The following DGKG variants were observed in gnomAD, a reference collection of about 807,000 sequenced individuals.
DGKG encodes DAG kinase gamma.
DGKG carries 78 observed loss-of-function variants against 105.3 expected under a neutral mutation model. The observed-to-expected ratio is 0.74, with a 90% confidence interval of 0.62 to 0.89. The LOEUF (loss-of-function observed/expected upper bound fraction) is 0.89, where lower values mean the gene tolerates loss of function less well. Ranked by LOEUF, DGKG falls within the 40% of genes least tolerant of loss-of-function variation. The pLI, the probability that DGKG is intolerant of heterozygous loss-of-function variation, is 0.00. For missense variants in DGKG, 958 were observed against 1,020.1 expected (o/e 0.94, Z 0.83); for synonymous variants, 346 against 367.1 (o/e 0.94, Z 0.66).
In DGKG at chr3:186,293,284, C is replaced by T. The variant is rs968655958; in HGVS notation, c.373+4137G>A. Among the ~76,000 whole-genome samples, 4 of 152,344 alleles carry T rather than the reference C, an allele frequency of 2.6e-5. No individual in the cohort carries two copies. The East Asian group carries it at 7.7e-4, about 29-fold the overall frequency. On this transcript the variant is annotated intron_variant, in intron 5 of 24. Transcript: ENST00000265022. ...CGGTGCTTTGCCTATTCATCCTTCC[C>T]TTCCCCTGACCCTTGACACCACTGA...
chr3:186,266,383 A>C (rs1722058190), intron 13 of DGKG, among the ~76,000 whole-genome samples: 1 of 152,150 alleles, frequency 6.6e-6, no homozygotes, highest in Non-Finnish European at 1.5e-5. Flanking sequence ...TTATTCATCT[A>C]TTCTCCTGTT....
chr3:186,188,072 C>T (rs956732468), intron 22 of DGKG, 130 bp downstream of exon 22: 24 of 1,073,232 alleles, frequency 2.2e-5, no homozygotes, highest in East Asian at 4.8e-5. Flanking sequence ...CATCGGATGA[C>T]GAGTCAGCAT....
intron 5 of DGKG, among the ~76,000 whole-genome samples, chr3:186,289,796 A>T (rs1019992319): frequency 6.6e-6 from 1 of 152,234 alleles, no homozygotes; most frequent in Admixed American, 6.5e-5. Context: ...TACTGAAGGT[A>T]GAGGCAGTGG....
intron 21 of DGKG, among the ~76,000 whole-genome samples, chr3:186,192,086 C>A (rs1717935475): frequency 6.6e-6 from 1 of 152,210 alleles, no homozygotes; most frequent in Admixed American, 6.5e-5. Flanking sequence ...TGGCTCACTG[C>A]AACCTCTGCC....
intron 22 of DGKG, among the ~76,000 whole-genome samples, chr3:186,167,668 T>C (rs1195208208): frequency 3.9e-5 from 6 of 152,230 alleles, no homozygotes; most frequent in Non-Finnish European, 7.3e-5. Context: ...GGGTGTGATT[T>C]TGGCAATTCA....
rs1334855043 is a variant in DGKG at position 186,360,692 on chromosome 3, A to C, written c.-249+1254T>G. On this transcript the variant is annotated intron_variant, in intron 1 of 24. Coordinates refer to ENST00000265022, the MANE Select transcript of DGKG (RefSeq NM_001346.3). ...CAACCAGGGTGCCCTGTGTGCCAGC[A>C]AGTGGCTCTGCCAGCTGTATTTTAC... Among the ~76,000 whole-genome samples the C allele has an allele frequency of 2.0e-5, 3 of 152,178 alleles. No homozygotes were observed. In the South Asian group the frequency reaches 6.2e-4, roughly 32 times the overall value.
chr3:186,240,688 T>C (rs993100344), intron 20 of DGKG, among the ~76,000 whole-genome samples: 2 of 151,882 alleles, frequency 1.3e-5, no homozygotes, highest in Non-Finnish European at 2.9e-5. Context: ...TGGGTGCCTG[T>C]AATCCCAGCT....
intron 21 of DGKG, among the ~76,000 whole-genome samples, chr3:186,197,508 C>G (rs1171000403): frequency 6.6e-6 from 1 of 152,104 alleles, no homozygotes; most frequent in African/African-American, 2.4e-5. Flanking sequence ...CCTGTGCAGC[C>G]CCCGGGGCCT....
chr3:186,282,013 T>A (rs1426972502), intron 7 of DGKG, among the ~76,000 whole-genome samples: 1 of 152,048 alleles, frequency 6.6e-6, no homozygotes, highest in Non-Finnish European at 1.5e-5. Flanking sequence ...TGAGAACCAG[T>A]GTAGGAATAG....
intron 9 of DGKG, chr3:186,279,350 A>G (rs897521291): frequency 6.6e-6 from 1 of 152,528 alleles, no homozygotes; most frequent in Admixed American, 6.5e-5. Flanking sequence ...TCAGTTTTCC[A>G]TCTGTATAAA....
At chr3:186,179,855 AGAG>A (rs1354177713) in intron 22 of DGKG, among the ~76,000 whole-genome samples, 1 of 152,214 alleles carries the variant, frequency 6.6e-6, no homozygotes, top group Non-Finnish European at 1.5e-5. Flanking sequence ...GGATGCTGGC[AGAG>A]GGGCCCTGGC....
At chr3:186,151,687 A>G (rs1715767720) in intron 24 of DGKG, among the ~76,000 whole-genome samples, 1 of 152,212 alleles carries the variant, frequency 6.6e-6, no homozygotes, top group Non-Finnish European at 1.5e-5. Context: ...GTGCTGGAGA[A>G]TAACATGACA....
chr3:186,297,146 C>A (rs1723622664), intron 5 of DGKG, among the ~76,000 whole-genome samples: 1 of 150,878 alleles, frequency 6.6e-6, no homozygotes, highest in Non-Finnish European at 1.5e-5. Flanking sequence ...GGCAGGCAGA[C>A]ATATCAGAGA....
chr3:186,205,487 G>A (rs1431870207), intron 21 of DGKG, among the ~76,000 whole-genome samples: 5 of 151,532 alleles, frequency 3.3e-5, no homozygotes, highest in African/African-American at 1.2e-4. Context: ...AGGTGGGTGG[G>A]TCACCTGAGG....
intron 20 of DGKG, among the ~76,000 whole-genome samples, chr3:186,235,359 C>T (rs1720366454): frequency 6.6e-6 from 1 of 152,212 alleles, no homozygotes; most frequent in South Asian, 2.1e-4. Context: ...TGCAGACAGT[C>T]TGGACCTCTG....
intron 7 of DGKG, chr3:186,280,976 A>G: frequency 2.1e-6 from 1 of 468,910 alleles, no homozygotes; most frequent in Middle Eastern, 5.9e-4. Context: ...GCTCATAAAC[A>G]CTGACTTCCT....
intron 20 of DGKG, among the ~76,000 whole-genome samples, chr3:186,232,351 C>G (rs1172768117): frequency 6.6e-6 from 1 of 152,050 alleles, no homozygotes; most frequent in East Asian, 1.9e-4. Context: ...TAAAATTGTG[C>G]AATTAAAATG....
chr3:186,210,675 C>T lies in DGKG; in HGVS notation c.1917+1120G>A, dbSNP rs1718993223. On this transcript the variant is annotated intron_variant, in intron 21 of 24. Transcript: ENST00000265022. This position sits in a 1 kb window ranked among gnomAD's most constrained non-coding sequence, Gnocchi z 5.2. Reference sequence around the variant, plus strand: ...AGGGAGGGGCAGGGCTTTCCTACACCACTCCAGGCCACAGGTGCCTCCTCC... The same window carrying T: ...AGGGAGGGGCAGGGCTTTCCTACACTACTCCAGGCCACAGGTGCCTCCTCC... The T allele has an allele frequency of 2.2e-6, 1 of 450,608 alleles. No individual in the cohort carries two copies. Among genetic ancestry groups the T allele is most frequent in the Middle Eastern group, 6.1e-4 (1 of 1,628 alleles). 27.9% of individuals were successfully genotyped at this position (450,608 alleles called of 1,614,324 possible). A position where few individuals can be genotyped will look rare whatever the true frequency, so the allele number is the denominator to read the frequency against.
Position 186,239,656 on chromosome 3 carries a change from A to C in DGKG, c.1826+2848T>G, listed in dbSNP as rs573089823. On this transcript the variant is annotated intron_variant, in intron 20 of 24. Coordinates refer to ENST00000265022, the MANE Select transcript of DGKG (RefSeq NM_001346.3). ...TAGGAAGCGTTCGGTGACCTTGTGA[A>C]ATAGGTGCTACCTCAGCCCTTCTGT... Among the ~76,000 whole-genome samples, 10 of 152,328 alleles carry C rather than the reference A, an allele frequency of 6.6e-5. No homozygotes were observed. The South Asian group carries it at 2.1e-3, about 32-fold the overall frequency.
Sources: allele counts gnomAD v4.1 joint callset (sites outside exome capture counted in the v4.1 genomes callset), GRCh38; gene constraint gnomAD v4.1.1; non-coding constraint Gnocchi (gnomAD v3.1); transcripts MANE v1.5; gene names NCBI Gene and HGNC (gene_info 2026-07-23, HGNC 2026-07-21).